Variants in PITPNC1 observed in about 807,000 individuals in gnomAD.
PITPNC1 encodes cytoplasmic phosphatidylinositol transfer protein 1.
Under a neutral mutation model 44.7 loss-of-function variants are expected in PITPNC1, and 18 were observed. That is an observed-to-expected ratio of 0.40 (90% confidence interval 0.28 to 0.60). The LOEUF (loss-of-function observed/expected upper bound fraction) is 0.60, where lower values mean the gene tolerates loss of function less well. PITPNC1 is among the 20% of genes least tolerant of loss of function. The probability of loss-of-function intolerance (pLI) is 0.39; values close to 1 mark genes in which losing one functional copy is unlikely to be tolerated. For missense variants in PITPNC1, 290 were observed against 418.4 expected, an observed-to-expected ratio of 0.69 and a Z score of 2.68; for synonymous variants, 141 against 149.6, an observed-to-expected ratio of 0.94 and a Z score of 0.42.
At chr17:67,645,918 A>G (rs962269535) in intron 6 of PITPNC1, among the ~76,000 whole-genome samples, 2 of 152,206 alleles carry the variant, frequency 1.3e-5, no homozygotes, top group African/African-American at 4.8e-5. Context: ...TGAGGCCAAG[A>G]GTTCGAGACC....
At chr17:67,541,707 A>G (rs1568033276) in intron 2 of PITPNC1, among the ~76,000 whole-genome samples, 1 of 152,242 alleles carries the variant, frequency 6.6e-6, no homozygotes, top group Non-Finnish European at 1.5e-5. Flanking sequence ...AGTGATAGAA[A>G]GAATGACTGA....
At chr17:67,612,672 CGGATGGAT>C (rs61521480) in intron 5 of PITPNC1, 29,721 of 147,170 alleles carry the variant, frequency 0.2, 3,056 homozygotes, top group East Asian at 0.35. Context: ...GATGGATGGG[CGGATGGAT>C]GGATGGATGG....
chr17:67,623,382 T>C lies in PITPNC1; in HGVS notation c.367-8761T>C, dbSNP rs145516271. Among the ~76,000 whole-genome samples the C allele has an allele frequency of 1.5e-3, 229 of 152,264 alleles. 4 individuals are homozygous for C. In the East Asian group the frequency reaches 0.041, roughly 27 times the overall value. Reference sequence around the variant, plus strand: ...GGATAATAGATTTTCTTTTCTTTTCTTTTCTTTTTTCTTCTGAGATGGAGT... The same window carrying C: ...GGATAATAGATTTTCTTTTCTTTTCCTTTCTTTTTTCTTCTGAGATGGAGT... On this transcript the variant is annotated intron_variant, in intron 5 of 8. Transcript: ENST00000581322.
intron 5 of PITPNC1, among the ~76,000 whole-genome samples, chr17:67,618,746 C>T (rs139942334): frequency 2.0e-5 from 3 of 148,992 alleles, no homozygotes; most frequent in Non-Finnish European, 3.0e-5. Context: ...AACAAAACTC[C>T]GTCTCAGAAA....
intron 1 of PITPNC1, among the ~76,000 whole-genome samples, chr17:67,468,324 A>G (rs1295750022): frequency 6.6e-6 from 1 of 152,048 alleles, no homozygotes; most frequent in African/African-American, 2.4e-5. Flanking sequence ...GTGCAGGAGC[A>G]GCATCAGGGA....
intron 2 of PITPNC1, among the ~76,000 whole-genome samples, chr17:67,537,501 A>G (rs1049618597): frequency 2.6e-5 from 4 of 152,236 alleles, no homozygotes; most frequent in Non-Finnish European, 5.9e-5. Context: ...AAGATATACA[A>G]AATCATTTTG....
intron 1 of PITPNC1, among the ~76,000 whole-genome samples, chr17:67,450,715 G>C (rs2039163613): frequency 6.6e-6 from 1 of 152,156 alleles, no homozygotes. Flanking sequence ...GAGCCACCAT[G>C]CTCGGCCCAT....
At chr17:67,566,917 T>A (rs1044356804) in intron 4 of PITPNC1, among the ~76,000 whole-genome samples, 1 of 152,238 alleles carries the variant, frequency 6.6e-6, no homozygotes, top group Non-Finnish European at 1.5e-5. Context: ...ATCTCCTCTA[T>A]GCATTTGTTG....
chr17:67,488,657 T>C (rs1345677247), intron 1 of PITPNC1, among the ~76,000 whole-genome samples: 1 of 152,216 alleles, frequency 6.6e-6, no homozygotes, highest in East Asian at 1.9e-4. Context: ...TTCCTATCGT[T>C]GTACCAGTAT....
At chr17:67,632,101 C>A in intron 5 of PITPNC1, 42 bp from the exon 6 acceptor site, 1 of 1,262,928 alleles carries the variant, frequency 7.9e-7, no homozygotes, top group Non-Finnish European at 1.2e-6. Context: ...GAGGGTAACA[C>A]CTGCTATCAC....
intron 1 of PITPNC1, among the ~76,000 whole-genome samples, chr17:67,504,966 C>T (rs930566695): frequency 6.6e-6 from 1 of 152,170 alleles, no homozygotes; most frequent in Non-Finnish European, 1.5e-5. Flanking sequence ...AAATTATTTT[C>T]TACTCTCCCT....
chr17:67,555,261 A>G (rs1465909360), intron 4 of PITPNC1, among the ~76,000 whole-genome samples: 1 of 152,118 alleles, frequency 6.6e-6, no homozygotes, highest in Non-Finnish European at 1.5e-5. Flanking sequence ...ATTGGAAAAC[A>G]TTGTCTTTAG....
chr17:67,547,263 C>T (rs562279128), intron 2 of PITPNC1, among the ~76,000 whole-genome samples: 23 of 152,218 alleles, frequency 1.5e-4, no homozygotes, highest in African/African-American at 5.3e-4. Flanking sequence ...GCCTGTAATC[C>T]CAGCATTTCA....
At chr17:67,447,945 CTTCCTTCT>C (rs1156350562) in intron 1 of PITPNC1, among the ~76,000 whole-genome samples, 1 of 150,016 alleles carries the variant, frequency 6.7e-6, no homozygotes, top group Non-Finnish European at 1.5e-5. Context: ...TCCTTCCTTC[CTTCCTTCT>C]TTCTTTCTTT....
intron 5 of PITPNC1, among the ~76,000 whole-genome samples, chr17:67,601,116 G>A (rs1398003736): frequency 1.3e-5 from 2 of 152,034 alleles, no homozygotes; most frequent in Non-Finnish European, 2.9e-5. Context: ...CAAGCAGCCT[G>A]GATACCCTCT....
chr17:67,379,382 C>T (rs575034037), intron 1 of PITPNC1: 3 of 985,144 alleles, frequency 3.0e-6, no homozygotes, highest in African/African-American at 3.5e-5. Flanking sequence ...CCATCTGGAC[C>T]AAGGGTTAAG....
intron 1 of PITPNC1, among the ~76,000 whole-genome samples, chr17:67,502,420 A>G (rs796074981): frequency 3.3e-5 from 5 of 152,198 alleles, no homozygotes; most frequent in African/African-American, 7.2e-5. Context: ...GAGAGTAACA[A>G]TGCAATCTAC....
intron 1 of PITPNC1, among the ~76,000 whole-genome samples, chr17:67,443,665 C>G (rs2039050590): frequency 7.7e-6 from 1 of 129,706 alleles, no homozygotes; most frequent in Admixed American, 8.6e-5. Context: ...GGGGAATTCT[C>G]ACTCTTTTGA....
intron 8 of PITPNC1, chr17:67,687,185 G>A (rs764110570): frequency 6.6e-7 from 1 of 1,503,944 alleles, no homozygotes; most frequent in South Asian, 1.1e-5. Context: ...CCAAACAAGT[G>A]TACGTAGAAT....
Sources: gnomAD v4.1 joint callset for allele counts (sites outside exome capture counted in the v4.1 genomes callset) on GRCh38, gnomAD v4.1.1 for gene constraint, MANE v1.5 for transcripts, NCBI Gene and HGNC (gene_info 2026-07-23, HGNC 2026-07-21) for gene names.